The following DMD variants were observed in gnomAD, a reference collection of about 807,000 sequenced individuals.
The protein encoded by DMD is dystrophin, also known as mutant dystrophin.
A neutral mutation model predicts 330.1 loss-of-function variants in DMD; 63 were observed. The ratio of observed to expected loss-of-function variants is 0.19; its 90% CI spans 0.16 to 0.24. DMD has a LOEUF of 0.24. DMD is among the 10% of genes least tolerant of loss of function. DMD has a pLI of 1.00. For missense variants in DMD, 3,344 were observed against 2,684.1 expected (o/e 1.25, Z -5.43); for synonymous variants, 1,223 against 959.8 (o/e 1.27, Z -5.07).
rs367657320 is a variant in DMD at position 31,178,680 on chromosome X, G to C, written c.10212C>G (p.Asp3404Glu). ...TTGCTACTACTCACGTTTCCATGTTGTCCCCCTCTAAGACAGTCTGCACTG... is the reference window on the plus strand; with the variant it reads ...TTGCTACTACTCACGTTTCCATGTTCTCCCCCTCTAAGACAGTCTGCACTG... ...YLPVQTVLEGDNMETPVTLIN... is the reference protein window; with the variant it reads ...YLPVQTVLEGENMETPVTLIN... The change falls in exon 70 of 79, where the codon GAC becomes GAG. Residue 3404 changes from aspartate to glutamate, a missense_variant. Asp to Glu is a conservative substitution (Grantham distance 45). Coordinates refer to ENST00000357033, the MANE Select transcript of DMD (RefSeq NM_004006.3). 5.8e-6 allele frequency: 7 copies of C among 1,205,572 alleles called. No individual in the cohort carries two copies. The African/African-American group carries it at 1.2e-4, about 21-fold the overall frequency.
intron 67 of DMD, among the ~76,000 whole-genome samples, chrX:31,201,087 A>G (rs2148511285): frequency 9.2e-6 from 1 of 108,757 alleles, no homozygotes; most frequent in Non-Finnish European, 1.9e-5. Flanking sequence ...ACATTTTGGG[A>G]GGCTGAGGTG....
chrX:32,940,143 C>T (rs902736192), intron 2 of DMD, among the ~76,000 whole-genome samples: 4 of 111,776 alleles, frequency 3.6e-5, no homozygotes, highest in East Asian at 2.8e-4. Context: ...CTACAGCAAC[C>T]GAATCAGCAT....
intron 20 of DMD, among the ~76,000 whole-genome samples, chrX:32,487,782 A>C (rs1343734129): frequency 8.9e-6 from 1 of 112,000 alleles, no homozygotes; most frequent in Non-Finnish European, 1.9e-5. Context: ...AAAGACGTTT[A>C]GCAAAATGGA....
intron 60 of DMD, among the ~76,000 whole-genome samples, chrX:31,411,766 TG>T (rs1390834703): frequency 2.7e-5 from 3 of 109,954 alleles, no homozygotes; most frequent in Non-Finnish European, 5.7e-5. Flanking sequence ...CCCGAGTAGC[TG>T]GGACTACAGT....
At chrX:32,431,928 G>C (rs1274078204) in intron 29 of DMD, among the ~76,000 whole-genome samples, 1 of 111,011 alleles carries the variant, frequency 9.0e-6, no homozygotes, top group South Asian at 3.8e-4. Context: ...AGTTTAATCT[G>C]TGAGGACACT....
chrX:31,852,062 A>C (rs1185869101), intron 48 of DMD, among the ~76,000 whole-genome samples: 3 of 110,987 alleles, frequency 2.7e-5, no homozygotes, highest in Non-Finnish European at 5.7e-5. Flanking sequence ...AGTAGTAGGA[A>C]TGATAGTCAT....
intron 2 of DMD, among the ~76,000 whole-genome samples, chrX:32,943,810 T>C (rs767034130): frequency 1.8e-5 from 2 of 112,305 alleles, no homozygotes; most frequent in Non-Finnish European, 3.8e-5. Context: ...GTTATTTTTA[T>C]TTTCATTATT....
At chrX:32,447,123 A>T (rs1243523245) in intron 27 of DMD, among the ~76,000 whole-genome samples, 1 of 110,879 alleles carries the variant, frequency 9.0e-6, no homozygotes, top group Non-Finnish European at 1.9e-5. Flanking sequence ...AGAAAGTAAT[A>T]GTAGGTGTTT....
intron 25 of DMD, among the ~76,000 whole-genome samples, chrX:32,456,118 G>T (rs1003222323): frequency 8.1e-5 from 9 of 110,695 alleles, no homozygotes; most frequent in African/African-American, 2.6e-4. Context: ...ATAATGCACA[G>T]TTTTAGTAAA....
chrX:32,440,584 G>A (rs1338752250), intron 28 of DMD, among the ~76,000 whole-genome samples: 1 of 111,155 alleles, frequency 9.0e-6, no homozygotes, highest in Non-Finnish European at 1.9e-5. Flanking sequence ...AAAATGCATA[G>A]AGCTTGAATG....
intron 1 of DMD, among the ~76,000 whole-genome samples, chrX:33,077,256 A>T (rs1431433573): frequency 9.0e-6 from 1 of 111,555 alleles, no homozygotes; most frequent in African/African-American, 3.3e-5. Context: ...TGCTCTGGGA[A>T]AGGGCTGTTA....
At chrX:32,419,342 A>AT (rs2098180041) in intron 29 of DMD, among the ~76,000 whole-genome samples, 1 of 111,849 alleles carries the variant, frequency 8.9e-6, no homozygotes, top group Admixed American at 9.5e-5. Flanking sequence ...AGTTCATCCT[A>AT]TTTTTTCCTA....
chrX:32,387,329 G>T (rs2097965654), intron 32 of DMD, among the ~76,000 whole-genome samples: 1 of 110,472 alleles, frequency 9.1e-6, no homozygotes, highest in Non-Finnish European at 1.9e-5. Context: ...TATGTATGTG[G>T]CCATGTATTC....
At chrX:32,898,991 A>G (rs930696545) in intron 2 of DMD, among the ~76,000 whole-genome samples, 5 of 112,205 alleles carry the variant, frequency 4.5e-5, no homozygotes, top group Non-Finnish European at 9.4e-5. Flanking sequence ...ACATGCACAC[A>G]TAAAAAAAAG....
chrX:32,864,987 T>C (rs1481778445), intron 2 of DMD, among the ~76,000 whole-genome samples: 1 of 111,868 alleles, frequency 8.9e-6, no homozygotes, highest in Non-Finnish European at 1.9e-5. Flanking sequence ...AAGTCTTCCA[T>C]GTGAGATTCG....
chrX:33,271,702 G>A (rs1457707157), intron 1 of DMD, among the ~76,000 whole-genome samples: 1 of 101,487 alleles, frequency 9.9e-6, no homozygotes, highest in East Asian at 3.3e-4. Flanking sequence ...AGAGGCGGAG[G>A]TTGTGGTGAG....
chrX:33,302,095 A>C (rs1303790937), intron 1 of DMD, among the ~76,000 whole-genome samples: 1 of 111,873 alleles, frequency 8.9e-6, no homozygotes, highest in Non-Finnish European at 1.9e-5. Context: ...TCTTGAAAAC[A>C]TAATTTTAAT....
At chrX:31,188,026 T>C (rs950960772) in intron 67 of DMD, among the ~76,000 whole-genome samples, 1 of 111,957 alleles carries the variant, frequency 8.9e-6, no homozygotes, top group Non-Finnish European at 1.9e-5. Flanking sequence ...AATGTTCTAC[T>C]CTTTCAAAAA....
intron 55 of DMD, among the ~76,000 whole-genome samples, chrX:31,584,425 C>G (rs1431149020): frequency 9.0e-6 from 1 of 111,207 alleles, no homozygotes; most frequent in Non-Finnish European, 1.9e-5. Context: ...AGATCTAGAA[C>G]CAGAAATACC....
Sources: gnomAD v4.1 joint callset for allele counts (sites outside exome capture counted in the v4.1 genomes callset) on GRCh38, gnomAD v4.1.1 for gene constraint, MANE v1.5 for transcripts, NCBI Gene and HGNC (gene_info 2026-07-23, HGNC 2026-07-21) for gene names.